Variants in PPP2R2B observed in about 807,000 individuals in gnomAD.
The protein encoded by PPP2R2B is protein phosphatase 2 regulatory subunit Bbeta, also known as serine/threonine-protein phosphatase 2A 55 kDa regulatory subunit B beta isoform.
In PPP2R2B, 5 loss-of-function variants were observed where a neutral mutation model predicts 46.0. The ratio of observed to expected loss-of-function variants is 0.11; its 90% CI spans 0.06 to 0.23. PPP2R2B has a LOEUF of 0.23. PPP2R2B is among the 10% of genes least tolerant of loss of function. The pLI is 1.00. For synonymous variants in PPP2R2B, 215 were observed against 206.7 expected, an observed-to-expected ratio of 1.04 and a Z score of -0.34; for missense variants, 367 against 575.0, an observed-to-expected ratio of 0.64 and a Z score of 3.70.
chr5:146,666,073 T>C (rs1489139432), intron 5 of PPP2R2B, among the ~76,000 whole-genome samples: 1 of 152,206 alleles, frequency 6.6e-6, no homozygotes, highest in East Asian at 1.9e-4. Context: ...ATAGCAAAAT[T>C]TAGAAACAAT....
intron 6 of PPP2R2B, among the ~76,000 whole-genome samples, chr5:146,649,966 T>C (rs1775847121): frequency 6.6e-6 from 1 of 152,212 alleles, no homozygotes; most frequent in African/African-American, 2.4e-5. Flanking sequence ...ATATGTATAC[T>C]GTACATTTTA....
At chr5:146,590,387 T>G (rs1364786743) in intron 9 of PPP2R2B, among the ~76,000 whole-genome samples, 161 bp from the exon 10 acceptor site, 4 of 132,090 alleles carry the variant, frequency 3.0e-5, no homozygotes, top group African/African-American at 8.2e-5. Context: ...GGCTTTTTGT[T>G]TTTTTTTTGT....
At chr5:147,017,727 T>C (rs1330544689) in intron 1 of PPP2R2B, among the ~76,000 whole-genome samples, 1 of 148,918 alleles carries the variant, frequency 6.7e-6, no homozygotes, top group Non-Finnish European at 1.5e-5. Context: ...AAGTGTTTCT[T>C]AGCTTTGGCA....
chr5:146,768,430 C>G (rs1278093241), intron 2 of PPP2R2B, among the ~76,000 whole-genome samples: 1 of 152,068 alleles, frequency 6.6e-6, no homozygotes, highest in Admixed American at 6.6e-5. Flanking sequence ...AAATGGTTAA[C>G]AGTTTTATTC....
At chr5:146,654,883 A>G (rs1776216242) in intron 5 of PPP2R2B, among the ~76,000 whole-genome samples, 1 of 152,204 alleles carries the variant, frequency 6.6e-6, no homozygotes, top group South Asian at 2.1e-4. Flanking sequence ...CCCTTTTGCC[A>G]AATGACAAAA....
At chr5:146,982,177 A>G (rs1352034559) in intron 1 of PPP2R2B, among the ~76,000 whole-genome samples, 1 of 151,906 alleles carries the variant, frequency 6.6e-6, no homozygotes, top group Non-Finnish European at 1.5e-5. Context: ...GATTTGAGAT[A>G]TTTTCTTCTT....
At chr5:146,918,603 C>A (rs963394392) in intron 1 of PPP2R2B, among the ~76,000 whole-genome samples, 1 of 152,162 alleles carries the variant, frequency 6.6e-6, no homozygotes, top group South Asian at 2.1e-4. Flanking sequence ...TGAGATTCCA[C>A]AAACTTTTGC....
chr5:146,845,915 G>A (rs1159158398), intron 2 of PPP2R2B, among the ~76,000 whole-genome samples: 3 of 152,120 alleles, frequency 2.0e-5, no homozygotes, highest in Non-Finnish European at 4.4e-5. Flanking sequence ...CTAACCACGG[G>A]CCACTATTGC....
intron 1 of PPP2R2B, among the ~76,000 whole-genome samples, chr5:146,983,175 C>CTT (rs1561555406): frequency 1.4e-5 from 1 of 69,534 alleles, no homozygotes; most frequent in African/African-American, 4.3e-5. Flanking sequence ...TTTTCCAGAG[C>CTT]ATTTTTTTTT....
At chr5:146,648,068 G>A (rs967445190) in intron 6 of PPP2R2B, among the ~76,000 whole-genome samples, 1 of 152,188 alleles carries the variant, frequency 6.6e-6, no homozygotes, top group African/African-American at 2.4e-5. Context: ...CCAAAACCGG[G>A]TCTTTTTATC....
intron 7 of PPP2R2B, among the ~76,000 whole-genome samples, chr5:146,603,236 T>C (rs1011026630): frequency 2.0e-5 from 3 of 152,176 alleles, no homozygotes; most frequent in Non-Finnish European, 2.9e-5. Context: ...TCAACAAGAC[T>C]CTTGAGAATT....
At chr5:146,671,236 A>G (rs2151121467) in intron 5 of PPP2R2B, among the ~76,000 whole-genome samples, 1 of 152,340 alleles carries the variant, frequency 6.6e-6, no homozygotes, top group East Asian at 1.9e-4. Flanking sequence ...TAGGTGATTC[A>G]TGTATGTTGA....
intron 1 of PPP2R2B, among the ~76,000 whole-genome samples, chr5:146,904,520 G>T (rs561513881): frequency 6.6e-6 from 1 of 152,170 alleles, no homozygotes; most frequent in Non-Finnish European, 1.5e-5. Context: ...TATTGGGAGC[G>T]TGTTCCCCGA....
chr5:146,754,374 T>C (rs907870856), intron 2 of PPP2R2B, among the ~76,000 whole-genome samples: 29 of 152,186 alleles, frequency 1.9e-4, no homozygotes, highest in African/African-American at 6.3e-4. Context: ...TGGAATAGCA[T>C]GCAGCAACTA....
At chr5:146,663,604 T>C (rs1265539596) in intron 5 of PPP2R2B, among the ~76,000 whole-genome samples, 7 of 152,214 alleles carry the variant, frequency 4.6e-5, no homozygotes, top group African/African-American at 9.6e-5. Flanking sequence ...GTTATGCTTA[T>C]ACTATACTGT....
chr5:146,788,901 C>T (rs1243898202), intron 2 of PPP2R2B, among the ~76,000 whole-genome samples: 1 of 152,214 alleles, frequency 6.6e-6, no homozygotes, highest in Non-Finnish European at 1.5e-5. Flanking sequence ...GAGACCTTAG[C>T]ATCAGCAAAT....
At chr5:146,606,202 T>C (rs1772253345) in intron 7 of PPP2R2B, among the ~76,000 whole-genome samples, 1 of 152,114 alleles carries the variant, frequency 6.6e-6, no homozygotes, top group Non-Finnish European at 1.5e-5. Context: ...AGAGAGAGAT[T>C]AGGTAACCAC....
chr5:146,988,092 C>G (rs1753514439), intron 1 of PPP2R2B, among the ~76,000 whole-genome samples: 1 of 151,744 alleles, frequency 6.6e-6, no homozygotes, highest in African/African-American at 2.4e-5. Context: ...ATATATGCAC[C>G]CAACACTAGA....
chr5:146,850,012 C>T (rs1464713625), intron 2 of PPP2R2B, among the ~76,000 whole-genome samples: 1 of 152,016 alleles, frequency 6.6e-6, no homozygotes, highest in Non-Finnish European at 1.5e-5. Flanking sequence ...GGGTAAAGTA[C>T]AAAGGGAAAG....
Sources: allele counts gnomAD v4.1 joint callset (sites outside exome capture counted in the v4.1 genomes callset), GRCh38; gene constraint gnomAD v4.1.1; transcripts MANE v1.5; gene names NCBI Gene and HGNC (gene_info 2026-07-23, HGNC 2026-07-21).